PRPF3: variants seen among roughly 807,000 people sequenced by gnomAD.
The protein encoded by PRPF3 is U4/U6 small nuclear ribonucleoprotein Prp3.
Under a neutral mutation model 89.2 loss-of-function variants are expected in PRPF3, and 3 were observed. The observed-to-expected ratio is 0.03, with a 90% CI of 0.02 to 0.09. The LOEUF (loss-of-function observed/expected upper bound fraction) is 0.09. Ranked by LOEUF, PRPF3 falls within the 10% of genes least tolerant of loss-of-function variation. The probability of loss-of-function intolerance (pLI) is 1.00; values close to 1 mark genes in which losing one functional copy is unlikely to be tolerated. For synonymous variants in PRPF3, 270 were observed against 289.1 expected (o/e 0.93, Z 0.67); for missense variants, 463 against 828.8 (o/e 0.56, Z 5.42).
Position 150,349,189 on chromosome 1 carries a change from A to G in PRPF3, c.1876A>G (p.Lys626Glu). 6.2e-7 allele frequency: 1 copy of G among 1,613,954 alleles called. No individual in the cohort carries two copies. The highest frequency in any genetic ancestry group is 1.3e-5 in the African/African-American group (1 of 75,052). ...DEESDEEAVK[K>E]TNKCVLVWEG... ...GGAGTCTGATGAGGAAGCTGTGAAG[A>G]AAACCAACAAATGTGTACTAGTCTG... is the stretch of plus-strand genomic sequence containing the variant. Residue 626 changes from lysine to glutamate, a missense_variant, in exon 15 of 16, where the codon AAA becomes GAA. Around this residue, in one of 8 missense-constraint regions of PRPF3, gnomAD observed 78 missense variants for 96.6 expected, o/e 0.81. Coordinates refer to ENST00000324862, the MANE Select transcript of PRPF3 (RefSeq NM_004698.4).
chr1:150,325,303 G>A (rs1011000436), intron 2 of PRPF3, among the ~76,000 whole-genome samples: 4 of 151,768 alleles, frequency 2.6e-5, no homozygotes, highest in Admixed American at 6.6e-5. Flanking sequence ...TTAAATCTTC[G>A]TTTGGCTACC....
At chr1:150,344,874 T>C (rs1658122608) in intron 12 of PRPF3, among the ~76,000 whole-genome samples, 1 of 151,868 alleles carries the variant, frequency 6.6e-6, no homozygotes, top group Non-Finnish European at 1.5e-5. Context: ...TCATCCTATT[T>C]CTTTTTTTTT....
At chr1:150,329,037 C>CTTTTTTT (rs113875026) in intron 4 of PRPF3, among the ~76,000 whole-genome samples, 132,819 of 140,556 alleles carry the variant, frequency 0.94, 63,027 homozygotes, top group Middle Eastern at 0.99. Flanking sequence ...TTGGGGTAAA[C>CTTTTTTT]TTTTTTTTTT....
At chr1:150,336,838 G>A (rs1657057890) in intron 7 of PRPF3, among the ~76,000 whole-genome samples, 1 of 151,502 alleles carries the variant, frequency 6.6e-6, no homozygotes, top group Admixed American at 6.6e-5. Flanking sequence ...TACATAAGTG[G>A]AAATATTATG....
rs1437542861 is a variant in PRPF3, at chr1:150,328,350, A to G, written c.307A>G (p.Lys103Glu). The G allele has an allele frequency of 6.2e-7, 1 of 1,613,818 alleles. No homozygotes were observed. ...EVFGDDSEIS[K>E]ESSGVKKRRI... Reference sequence around the variant, plus strand: ...GTTTGGTGATGACTCTGAGATCTCTAAAGAATCATCAGGAGTAAAGAAGCG... The same window carrying G: ...GTTTGGTGATGACTCTGAGATCTCTGAAGAATCATCAGGAGTAAAGAAGCG... Residue 103 changes from lysine (K) to glutamate (E), a missense_variant, in exon 4 of 16, where the codon AAA (lysine) becomes GAA (glutamate). Coordinates refer to ENST00000324862, the MANE Select transcript of PRPF3 (RefSeq NM_004698.4).
chr1:150,351,693 T>TA (rs1553874420), intron 15 of PRPF3, among the ~76,000 whole-genome samples: 5 of 144,158 alleles, frequency 3.5e-5, no homozygotes, highest in African/African-American at 1.3e-4. Context: ...TTTTTTTTTT[T>TA]AGAAATGGAT....
At position 150,352,851 on chromosome 1, in the gene PRPF3, A is replaced by C. The variant is rs781935872; in HGVS notation, c.1924A>C (p.Ser642Arg). 6.2e-7 allele frequency: 1 copy of C among 1,613,976 alleles called. No homozygotes were observed. Among genetic ancestry groups the C allele is most frequent in the Non-Finnish European group, 8.5e-7 (1 of 1,179,998 alleles). The stretch of plus-strand genomic sequence containing the variant: ...TTTCTAGGGTACAGCCAAAGACCGG[A>C]GCTTTGGAGAGATGAAGTTTAAACA... ...LVWEGTAKDR[S>R]FGEMKFKQCP... Residue 642 changes from serine to arginine, a missense_variant, in exon 16 of 16, where the codon AGC becomes CGC. This residue lies in a region of PRPF3 where 78 missense variants were observed against 96.6 expected (regional missense o/e 0.81). Transcript: ENST00000324862.
At chr1:150,348,248 CG>C (rs1560119818) in intron 14 of PRPF3, among the ~76,000 whole-genome samples, 1 of 151,348 alleles carries the variant, frequency 6.6e-6, no homozygotes, top group Non-Finnish European at 1.5e-5. Context: ...GGCGTGGCAG[CG>C]TGCGCCTGTA....
chr1:150,325,232 G>C, intron 2 of PRPF3, 145 bp downstream of exon 2: 1 of 879,536 alleles, frequency 1.1e-6, no homozygotes, highest in Non-Finnish European at 1.7e-6. Flanking sequence ...GTGAAAATAG[G>C]CTAAATAATA....
intron 1 of PRPF3, among the ~76,000 whole-genome samples, chr1:150,322,309 TACTC>T (rs764607512): frequency 2.0e-5 from 3 of 152,234 alleles, no homozygotes; most frequent in Admixed American, 2.0e-4. Context: ...ACTTAGTAGT[TACTC>T]AATAAATATT....
intron 3 of PRPF3, 116 bp from the exon 4 acceptor site, chr1:150,328,204 A>C (rs1655929000): frequency 7.9e-7 from 1 of 1,266,220 alleles, no homozygotes; most frequent in African/African-American, 1.5e-5. Context: ...GCTATTTGCA[A>C]GGTTGTGTCA....
rs782784727 is a variant in PRPF3 at position 150,338,283 on chromosome 1, A to G, written c.1159A>G (p.Ile387Val). 1 of 1,614,074 alleles carries G rather than the reference A, an allele frequency of 6.2e-7. No individual in the cohort carries two copies. The highest frequency in any genetic ancestry group is 8.5e-7 in the Non-Finnish European group (1 of 1,179,990). ...GCTAAAGGAAGGAGATATTCCTGAA[A>G]TTGAGTGGTGGGACTCTTACATAAT... ...KELKEGDIPE[I>V]EWWDSYIIPN... is the part of the protein sequence containing the mutation. Residue 387 changes from isoleucine (I) to valine (V), a missense_variant, in exon 8 of 16, where the codon ATT becomes GTT. By Grantham distance (29) the Ile-to-Val change is conservative (BLOSUM62 3). Transcript: ENST00000324862.
Position 150,332,816 on chromosome 1 carries a change from T to G in PRPF3, c.507+49T>G, listed in dbSNP as rs587609424. The G allele has an allele frequency of 7.3e-5, 117 of 1,591,948 alleles. 1 individual carries two copies. The South Asian group carries it at 1.2e-3, about 16-fold the overall frequency. ...ACAGAATAATCTTTGGCACAGAATT[T>G]CTTGCCATCCACTCAAAATGAGAGA... On this transcript the variant is annotated intron_variant, in intron 5 of 15. Coordinates refer to ENST00000324862, the MANE Select transcript of PRPF3 (RefSeq NM_004698.4).
At chr1:150,329,899 A>C (rs587707081) in intron 4 of PRPF3, 1 of 152,372 alleles carries the variant, frequency 6.6e-6, no homozygotes, top group African/African-American at 2.4e-5. Context: ...AGCTGGGATT[A>C]TAGGCATGTG....
At chr1:150,342,049 T>G (rs1553871360) in intron 9 of PRPF3, among the ~76,000 whole-genome samples, 1 of 151,314 alleles carries the variant, frequency 6.6e-6, no homozygotes. Flanking sequence ...AATGAGGGGG[T>G]TTAACAGCTT....
chr1:150,322,443 C>T (rs1383887031), intron 1 of PRPF3, among the ~76,000 whole-genome samples: 1 of 152,228 alleles, frequency 6.6e-6, no homozygotes, highest in African/African-American at 2.4e-5. Flanking sequence ...AGTGTCCCAA[C>T]TGTTTCTGTG....
Position 150,350,205 on chromosome 1 carries a change from C to CT in PRPF3, c.1905+1002dup, listed in dbSNP as rs35415059. Among the ~76,000 whole-genome samples, 284 of 132,248 alleles carry CT rather than the reference C, an allele frequency of 2.1e-3. 2 individuals are homozygous for CT. Among genetic ancestry groups the CT allele is most frequent in the East Asian group, 9.0e-3 (41 of 4,534 alleles). 86.8% of individuals were successfully genotyped at this position (132,248 alleles called of 152,430 possible). A position where few individuals can be genotyped will look rare whatever the true frequency, so the allele number is the denominator to read the frequency against. On this transcript the variant is annotated intron_variant, in intron 15 of 15. Transcript: ENST00000324862. The stretch of plus-strand genomic sequence containing the variant: ...GCCACTGTGCCCAGCCCCTCCATTT[C>CT]TTTTTTTTTTTTTTTGAGAGAGTTT...
At chr1:150,340,848 G>A (rs1553870254) in intron 9 of PRPF3, among the ~76,000 whole-genome samples, 1 of 152,058 alleles carries the variant, frequency 6.6e-6, no homozygotes, top group East Asian at 1.9e-4. Flanking sequence ...GGTGGCTTAT[G>A]CCTGTAATCA....
chr1:150,353,180 AAG>A lies in PRPF3; in HGVS notation c.*204_*205del. On this transcript the variant is annotated 3_prime_UTR_variant, in exon 16 of 16. Transcript: ENST00000324862. ...TATTCCCCTTATGTGCATATGATTAAAGAGTTATTTTTAAACTTGGTGTGATA... is the reference window on the plus strand; with the variant it reads ...TATTCCCCTTATGTGCATATGATTAAAGTTATTTTTAAACTTGGTGTGATA... 1 of 625,944 alleles carries A rather than the reference AAG, an allele frequency of 1.6e-6. No homozygotes were observed. Among genetic ancestry groups the A allele is most frequent in the Non-Finnish European group, 2.8e-6 (1 of 351,736 alleles). 38.8% of individuals were successfully genotyped at this position (625,944 alleles called of 1,614,324 possible).
Sources: allele counts gnomAD v4.1 joint callset (sites outside exome capture counted in the v4.1 genomes callset), GRCh38; gene constraint gnomAD v4.1.1; regional missense constraint gnomAD v4.1.1; transcripts MANE v1.5; gene names NCBI Gene and HGNC (gene_info 2026-07-23, HGNC 2026-07-21).